Variants in AGBL4 observed in about 807,000 individuals in gnomAD.
The protein encoded by AGBL4 is cytosolic carboxypeptidase 6.
In AGBL4, 58 loss-of-function variants were observed where a neutral mutation model predicts 66.4. The observed-to-expected ratio is 0.87, with a 90% confidence interval of 0.71 to 1.09. The LOEUF is 1.09. AGBL4 is among the 50% of genes least tolerant of loss of function. AGBL4 has a pLI of 0.00. For missense variants in AGBL4, 579 were observed against 631.0 expected (o/e 0.92, Z 0.88); for synonymous variants, 234 against 222.9 (o/e 1.05, Z -0.44).
At chr1:49,445,528 C>T (rs991401369) in intron 3 of AGBL4, among the ~76,000 whole-genome samples, 1 of 152,094 alleles carries the variant, frequency 6.6e-6, no homozygotes, top group African/African-American at 2.4e-5. Flanking sequence ...AAGGCTTCCT[C>T]ATTTTGTTTT....
intron 3 of AGBL4, among the ~76,000 whole-genome samples, chr1:49,272,572 T>A (rs1189315043): frequency 1.3e-5 from 2 of 152,208 alleles, no homozygotes; most frequent in African/African-American, 4.8e-5. Context: ...TTTACATATA[T>A]ATTTACTACC....
chr1:48,783,873 C>T (rs1645353383), intron 6 of AGBL4, among the ~76,000 whole-genome samples: 1 of 152,122 alleles, frequency 6.6e-6, no homozygotes, highest in East Asian at 1.9e-4. Flanking sequence ...ACAGGAAATT[C>T]TCAACAAGTC....
At chr1:49,068,429 G>A (rs911904491) in intron 4 of AGBL4, among the ~76,000 whole-genome samples, 26 of 148,458 alleles carry the variant, frequency 1.8e-4, no homozygotes, top group African/African-American at 6.0e-4. Context: ...CCCTCCCGGT[G>A]TCCATGTGTT....
At chr1:49,464,275 C>T (rs985941668) in intron 3 of AGBL4, among the ~76,000 whole-genome samples, 1 of 151,652 alleles carries the variant, frequency 6.6e-6, no homozygotes. Context: ...ATGCTTAGAC[C>T]TAAATGGAGA....
At chr1:48,651,711 C>A (rs1645933410) in intron 8 of AGBL4, among the ~76,000 whole-genome samples, 1 of 152,154 alleles carries the variant, frequency 6.6e-6, no homozygotes, top group East Asian at 1.9e-4. Flanking sequence ...CCAAGGGTAC[C>A]AGGAAGCCCC....
intron 11 of AGBL4, among the ~76,000 whole-genome samples, chr1:48,551,775 C>G (rs143981352): frequency 2.0e-5 from 3 of 152,118 alleles, no homozygotes; most frequent in African/African-American, 7.2e-5. Context: ...CTAATTCTCA[C>G]TCTCCGCTCT....
At chr1:49,828,660 G>A (rs555227318) in intron 2 of AGBL4, among the ~76,000 whole-genome samples, 1 of 152,304 alleles carries the variant, frequency 6.6e-6, no homozygotes, top group Admixed American at 6.5e-5. Flanking sequence ...TTCTAACTCT[G>A]ATGGGAAGCC....
Position 49,474,719 on chromosome 1 carries a change from G to T in AGBL4, c.282+222594C>A, listed in dbSNP as rs146792997. 3.4e-3 allele frequency among the ~76,000 whole-genome samples: 515 copies of T among 152,032 alleles called. 1 individual carries two copies. Among genetic ancestry groups the T allele is most frequent in the African/African-American group, 0.012 (485 of 41,514 alleles). ...TGGCAGAATCTTCAGGGTTTTATAG[G>T]TATAAAAAAGGTATTGAAGAGTTTG... On this transcript the variant is annotated intron_variant, in intron 3 of 13. Transcript: ENST00000371839.
At chr1:48,605,746 A>G (rs6702398) in intron 9 of AGBL4, among the ~76,000 whole-genome samples, 26,892 of 152,112 alleles carry the variant, frequency 0.18, 2,943 homozygotes, top group African/African-American at 0.31. Context: ...GATGGAGAAG[A>G]TATTATCTTT....
chr1:49,248,330 C>T (rs1471274064), intron 3 of AGBL4, among the ~76,000 whole-genome samples: 1 of 152,118 alleles, frequency 6.6e-6, no homozygotes, highest in Non-Finnish European at 1.5e-5. Context: ...ACTAGTATAG[C>T]TTTTAAAATG....
intron 6 of AGBL4, among the ~76,000 whole-genome samples, chr1:48,697,885 A>G (rs1646738015): frequency 6.6e-6 from 1 of 152,244 alleles, no homozygotes; most frequent in Non-Finnish European, 1.5e-5. Context: ...AAGGTGGCTG[A>G]ATATTTGAGA....
chr1:49,160,090 C>T (rs1040684977), intron 4 of AGBL4, among the ~76,000 whole-genome samples: 2 of 152,104 alleles, frequency 1.3e-5, no homozygotes, highest in African/African-American at 2.4e-5. Context: ...ATTCTCCATC[C>T]AGTTTTGTTC....
At chr1:48,686,693 C>G (rs1194740365) in intron 6 of AGBL4, among the ~76,000 whole-genome samples, 1 of 152,212 alleles carries the variant, frequency 6.6e-6, no homozygotes. Context: ...CGGCCATGCA[C>G]AGTTTGGTGG....
At chr1:49,641,945 A>C (rs1450087959) in intron 3 of AGBL4, among the ~76,000 whole-genome samples, 1 of 152,002 alleles carries the variant, frequency 6.6e-6, no homozygotes, top group Non-Finnish European at 1.5e-5. Flanking sequence ...AAAACTCTTT[A>C]TTTCCAAATT....
At chr1:49,043,489 T>C (rs1432548409) in intron 5 of AGBL4, among the ~76,000 whole-genome samples, 1 of 152,222 alleles carries the variant, frequency 6.6e-6, no homozygotes, top group Non-Finnish European at 1.5e-5. Context: ...CTTCCTTCCC[T>C]TTATTCCCTT....
chr1:49,638,998 G>A (rs535666265), intron 3 of AGBL4, among the ~76,000 whole-genome samples: 12 of 152,112 alleles, frequency 7.9e-5, no homozygotes, highest in Non-Finnish European at 1.6e-4. Context: ...GTTAAGGTTT[G>A]TGACCAACAC....
intron 3 of AGBL4, among the ~76,000 whole-genome samples, chr1:49,296,838 A>G (rs1644652602): frequency 1.3e-5 from 2 of 152,262 alleles, no homozygotes; most frequent in South Asian, 4.1e-4. Context: ...CAGCAACCTC[A>G]GTCAATGTCA....
intron 3 of AGBL4, among the ~76,000 whole-genome samples, chr1:49,577,371 C>T (rs1189239907): frequency 1.3e-5 from 2 of 152,214 alleles, no homozygotes; most frequent in African/African-American, 4.8e-5. Flanking sequence ...GACTTCCACT[C>T]AGTGAGGCTG....
At chr1:49,605,526 AT>A (rs1325961838) in intron 3 of AGBL4, among the ~76,000 whole-genome samples, 1 of 152,182 alleles carries the variant, frequency 6.6e-6, no homozygotes, top group Non-Finnish European at 1.5e-5. Context: ...GTGGTATAAA[AT>A]ATTAAGGTAA....
Sources: allele counts gnomAD v4.1 joint callset (sites outside exome capture counted in the v4.1 genomes callset), GRCh38; gene constraint gnomAD v4.1.1; transcripts MANE v1.5; gene names NCBI Gene and HGNC (gene_info 2026-07-23, HGNC 2026-07-21).